PPP2R5A: variants seen among roughly 807,000 people sequenced by gnomAD.
The protein encoded by PPP2R5A is protein phosphatase 2 regulatory subunit B'alpha.
In PPP2R5A, 25 loss-of-function variants were observed where a neutral mutation model predicts 64.2. That is an observed-to-expected ratio of 0.39 (90% CI 0.28 to 0.54). The LOEUF (loss-of-function observed/expected upper bound fraction) is 0.54. Among genes scored for constraint, PPP2R5A ranks in the 20% least tolerant of loss-of-function variants. The probability of loss-of-function intolerance (pLI) is 0.67; values close to 1 mark genes in which losing one functional copy is unlikely to be tolerated. For synonymous variants in PPP2R5A, 198 were observed against 201.2 expected (o/e 0.98, Z 0.13); for missense variants, 425 against 576.3 (o/e 0.74, Z 2.69).
intron 1 of PPP2R5A, among the ~76,000 whole-genome samples, chr1:212,314,373 T>G (rs952633859): frequency 1.3e-5 from 2 of 151,276 alleles, no homozygotes; most frequent in Non-Finnish European, 3.0e-5. Context: ...AGAAAGGTAG[T>G]TTTTTTTTGT....
intron 1 of PPP2R5A, among the ~76,000 whole-genome samples, chr1:212,312,318 T>C (rs962027081): frequency 3.3e-5 from 5 of 152,222 alleles, no homozygotes; most frequent in African/African-American, 1.2e-4. Context: ...ATTCTCAGAA[T>C]GTATTTCTGT....
chr1:212,307,938 G>A (rs915981649), intron 1 of PPP2R5A, among the ~76,000 whole-genome samples: 1 of 151,618 alleles, frequency 6.6e-6, no homozygotes, highest in African/African-American at 2.4e-5. Context: ...TCTGCCTCCT[G>A]AGCTCAAGTT....
Position 212,360,625 on chromosome 1 carries a change from G to A in PPP2R5A, c.1329-13G>A. On this transcript the variant is annotated splice_polypyrimidine_tract_variant and intron_variant, in intron 12 of 12. Transcript: ENST00000261461. ...AATAATTTCTGATTACAAAAATTTT[G>A]GTTTATCTACAGAGAGAAAAAGAAG... The A allele has an allele frequency of 2.0e-6, 3 of 1,537,536 alleles. No homozygotes were observed. The highest frequency in any genetic ancestry group is 1.2e-5 in the South Asian group (1 of 81,328).
At chr1:212,333,461 TACA>T (rs1420950202) in intron 2 of PPP2R5A, 33 bp from the exon 3 acceptor site, 3 of 1,339,018 alleles carry the variant, frequency 2.2e-6, no homozygotes, top group Admixed American at 2.4e-5. Flanking sequence ...CAATTACACA[TACA>T]ACAACGAACG....
chr1:212,342,951 G>T (rs1388547559), intron 4 of PPP2R5A, among the ~76,000 whole-genome samples: 4 of 147,530 alleles, frequency 2.7e-5, no homozygotes, highest in Non-Finnish European at 4.5e-5. Context: ...AAATTTAAAG[G>T]CCTCTTTTTT....
chr1:212,306,290 G>C (rs1311374234), intron 1 of PPP2R5A, among the ~76,000 whole-genome samples: 6 of 152,014 alleles, frequency 3.9e-5, no homozygotes. Flanking sequence ...GATAACACTT[G>C]GTAGTGTGGC....
Position 212,348,501 on chromosome 1 carries a change from A to C in PPP2R5A, c.873+4A>C. ...ATTAGCTTTGTTTCATGCTCAGGTA[A>C]GTTTCAGAAACATTTCAGATGAAAT... On this transcript the variant is annotated splice_donor_region_variant and intron_variant, in intron 7 of 12. Transcript: ENST00000261461. 6.5e-7 allele frequency: 1 copy of C among 1,535,628 alleles called. No homozygotes were observed. The highest frequency in any genetic ancestry group is 8.9e-7 in the Non-Finnish European group (1 of 1,117,730).
chr1:212,332,261 A>G (rs1659517628), intron 2 of PPP2R5A, among the ~76,000 whole-genome samples: 1 of 152,206 alleles, frequency 6.6e-6, no homozygotes, highest in South Asian at 2.1e-4. Context: ...TTGTGTACCA[A>G]AGATGCCACT....
intron 1 of PPP2R5A, among the ~76,000 whole-genome samples, chr1:212,288,692 GT>G (rs1265183018): frequency 6.6e-6 from 1 of 152,112 alleles, no homozygotes; most frequent in Admixed American, 6.5e-5. Context: ...ACAGTGTTGT[GT>G]TTTTTCTGCC....
intron 1 of PPP2R5A, chr1:212,308,922 CT>C: frequency 2.2e-6 from 1 of 454,928 alleles, no homozygotes; most frequent in Non-Finnish European, 3.9e-6. Context: ...CATTTTATTC[CT>C]TTTTTCTTTT....
chr1:212,355,996 C>A (rs967032847), intron 8 of PPP2R5A, among the ~76,000 whole-genome samples: 1 of 151,810 alleles, frequency 6.6e-6, no homozygotes, highest in Non-Finnish European at 1.5e-5. Context: ...CTTGGGAGGC[C>A]GAGGTTGCAG....
Position 212,358,577 on chromosome 1 carries a change from A to G in PPP2R5A, c.1227-109A>G, listed in dbSNP as rs1016869106. The G allele has an allele frequency of 6.9e-6, 5 of 729,578 alleles. No homozygotes were observed. The African/African-American group carries it at 7.3e-5, about 11-fold the overall frequency. 45.2% of individuals were successfully genotyped at this position (729,578 alleles called of 1,614,324 possible). On this transcript the variant is annotated intron_variant, in intron 11 of 12. Coordinates refer to ENST00000261461, the MANE Select transcript of PPP2R5A (RefSeq NM_006243.4). The stretch of plus-strand genomic sequence containing the variant: ...GAGCCTCAGTTTTATCATCTCTAAA[A>G]TGGATTAAATGAAATCAGCCAAGCT...
chr1:212,313,252 A>G (rs1659073278), intron 1 of PPP2R5A, among the ~76,000 whole-genome samples: 1 of 152,110 alleles, frequency 6.6e-6, no homozygotes, highest in African/African-American at 2.4e-5. Flanking sequence ...ATTGTTTTAT[A>G]TATTTTGTTC....
At chr1:212,320,916 G>A (rs1430234791) in intron 1 of PPP2R5A, among the ~76,000 whole-genome samples, 1 of 120,356 alleles carries the variant, frequency 8.3e-6, no homozygotes, top group African/African-American at 3.1e-5. Flanking sequence ...CCTCCCGGAC[G>A]GGGCGGCTGG....
At chr1:212,310,808 T>G (rs1160135198) in intron 1 of PPP2R5A, among the ~76,000 whole-genome samples, 1 of 152,158 alleles carries the variant, frequency 6.6e-6, no homozygotes, top group African/African-American at 2.4e-5. Flanking sequence ...TGTCTAGAAC[T>G]TATCCTCAGC....
chr1:212,353,067 T>C (rs1659915733), intron 8 of PPP2R5A: 2 of 439,384 alleles, frequency 4.6e-6, no homozygotes, highest in Admixed American at 2.7e-5. Flanking sequence ...AGTTGGAGTG[T>C]TGGCCAGAAG....
chr1:212,302,316 CTT>C (rs1446315088), intron 1 of PPP2R5A, among the ~76,000 whole-genome samples: 1 of 152,120 alleles, frequency 6.6e-6, no homozygotes, highest in Admixed American at 6.5e-5. Flanking sequence ...GTTACTACCT[CTT>C]TTTCATTTTA....
At chr1:212,302,126 T>C (rs1170881767) in intron 1 of PPP2R5A, 2 of 1,479,356 alleles carry the variant, frequency 1.4e-6, no homozygotes, top group Non-Finnish European at 1.8e-6. Context: ...TTCTACTTGG[T>C]ATTTGAAATC....
At chr1:212,286,720 C>T (rs1658511098) in intron 1 of PPP2R5A, among the ~76,000 whole-genome samples, 1 of 152,126 alleles carries the variant, frequency 6.6e-6, no homozygotes, top group Non-Finnish European at 1.5e-5. Context: ...TTTAGCTAGT[C>T]CTTTACTTTT....
Sources: gnomAD v4.1 joint callset for allele counts (sites outside exome capture counted in the v4.1 genomes callset) on GRCh38, gnomAD v4.1.1 for gene constraint, MANE v1.5 for transcripts, NCBI Gene and HGNC (gene_info 2026-07-23, HGNC 2026-07-21) for gene names.